The following MTNAP1 variants were observed in gnomAD, a reference collection of about 807,000 sequenced individuals.
The protein encoded by MTNAP1 is mitochondrial nucleoid-associated protein 1.
chr17:73,243,548 CTTTT>C, the MTNAP1 span, among the ~76,000 whole-genome samples: 1 of 135,064 alleles, frequency 7.4e-6, no homozygotes, highest in Non-Finnish European at 1.6e-5. Flanking sequence ...TTCATGTTGT[CTTTT>C]TTTTTTTTTT....
the MTNAP1 span, chr17:73,245,512 T>C: frequency 6.1e-6 from 6 of 985,270 alleles, no homozygotes; most frequent in Admixed American, 3.1e-4. Context: ...TCACTAAAAT[T>C]AAGAAGTCAC....
At chr17:73,236,271 T>G in the MTNAP1 span, 1 of 1,614,186 alleles carries the variant, frequency 6.2e-7, no homozygotes, top group Non-Finnish European at 8.5e-7. Context: ...GAGTCCCTAC[T>G]GATGTTACAG....
the MTNAP1 span, among the ~76,000 whole-genome samples, chr17:73,238,512 C>T: frequency 6.6e-6 from 1 of 152,222 alleles, no homozygotes; most frequent in Non-Finnish European, 1.5e-5. Context: ...CAGAACATTG[C>T]TAGCCCAAAG....
the MTNAP1 span, chr17:73,236,622 T>C: frequency 6.2e-7 from 1 of 1,614,200 alleles, no homozygotes; most frequent in Non-Finnish European, 8.5e-7. Flanking sequence ...CCTCTCTAGC[T>C]ACAACATTTC....
chr17:73,248,368 T>A, the MTNAP1 span: 2 of 869,750 alleles, frequency 2.3e-6, no homozygotes, highest in Non-Finnish European at 3.7e-6. Flanking sequence ...GTCTCTAACA[T>A]GATTTACCAT....
the MTNAP1 span, among the ~76,000 whole-genome samples, chr17:73,241,001 A>C: frequency 0.51 from 77,792 of 151,998 alleles, 20,015 homozygotes; most frequent in East Asian, 0.62. Flanking sequence ...ATCCACAGCA[A>C]CTTTTACCAC....
chr17:73,236,852 G>T, the MTNAP1 span: 1 of 1,614,054 alleles, frequency 6.2e-7, no homozygotes, highest in African/African-American at 1.3e-5. Context: ...AAGACTCTTC[G>T]CAGCTGCATG....
At chr17:73,245,165 A>G in the MTNAP1 span, 6 of 1,613,656 alleles carry the variant, frequency 3.7e-6, no homozygotes, top group Admixed American at 8.3e-5. Flanking sequence ...TGTTTATCCA[A>G]AGAGCTGCAG....
the MTNAP1 span, chr17:73,242,836 C>A: frequency 7.3e-7 from 1 of 1,366,394 alleles, no homozygotes; most frequent in Non-Finnish European, 1.0e-6. Context: ...TTGAATGACT[C>A]GCGGATACTG....
At chr17:73,245,771 T>A in the MTNAP1 span, 2 of 930,760 alleles carry the variant, frequency 2.1e-6, no homozygotes, top group South Asian at 9.9e-5. Flanking sequence ...AAGCTGATTT[T>A]TAAAATAGCA....
At chr17:73,247,419 C>A in the MTNAP1 span, 1 of 1,403,670 alleles carries the variant, frequency 7.1e-7, no homozygotes, top group Non-Finnish European at 1.0e-6. Context: ...CTGAATTGCC[C>A]TGTAACACCT....
the MTNAP1 span, among the ~76,000 whole-genome samples, chr17:73,234,223 G>C: frequency 2.0e-5 from 3 of 152,060 alleles, no homozygotes; most frequent in African/African-American, 7.2e-5. Context: ...AAGAATAAGA[G>C]ATGTAGAAAG....
chr17:73,234,835 C>T, the MTNAP1 span, among the ~76,000 whole-genome samples: 1 of 135,042 alleles, frequency 7.4e-6, no homozygotes, highest in Non-Finnish European at 1.6e-5. Context: ...ATTTCTCATT[C>T]TTTGATTGTG....
At chr17:73,240,088 T>C in the MTNAP1 span, among the ~76,000 whole-genome samples, 3 of 152,224 alleles carry the variant, frequency 2.0e-5, no homozygotes, top group Non-Finnish European at 4.4e-5. Context: ...TGTTAGCTCC[T>C]AAGAATACAA....
At chr17:73,239,471 C>A in the MTNAP1 span, among the ~76,000 whole-genome samples, 1 of 151,978 alleles carries the variant, frequency 6.6e-6, no homozygotes, top group Non-Finnish European at 1.5e-5. Flanking sequence ...CTGAGTGACA[C>A]CACTGTCCCA....
At chr17:73,243,086 T>TGTTTTTTTG in the MTNAP1 span, 2 of 987,740 alleles carry the variant, frequency 2.0e-6, no homozygotes, top group African/African-American at 1.7e-5. Context: ...AATTTTTTTT[T>TGTTTTTTTG]TTTTTTTTTT....
At chr17:73,236,991 A>G in the MTNAP1 span, 821,051 of 1,549,856 alleles carry the variant, frequency 0.53, 218,317 homozygotes, top group East Asian at 0.63. Flanking sequence ...AAAGACTCTC[A>G]CAAGGTAAAC....
the MTNAP1 span, chr17:73,236,622 TACA>T: frequency 1.9e-5 from 31 of 1,614,082 alleles, no homozygotes; most frequent in Non-Finnish European, 2.4e-5. Context: ...CCTCTCTAGC[TACA>T]ACATTTCTTC....
chr17:73,241,051 T>A, the MTNAP1 span, among the ~76,000 whole-genome samples: 3 of 152,222 alleles, frequency 2.0e-5, no homozygotes, highest in African/African-American at 7.2e-5. Context: ...TTCTTCTTTA[T>A]CTTGATGAAC....
Sources: allele counts gnomAD v4.1 joint callset (sites outside exome capture counted in the v4.1 genomes callset), GRCh38; gene constraint gnomAD v4.1.1; transcripts MANE v1.5; gene names NCBI Gene and HGNC (gene_info 2026-07-23, HGNC 2026-07-21).